Variants in CELF2 observed in about 807,000 individuals in gnomAD.
CELF2 encodes the protein CUG triplet repeat RNA-binding protein 2.
Under a neutral mutation model 62.6 loss-of-function variants are expected in CELF2, and 8 were observed. The observed-to-expected ratio is 0.13, with a 90% CI of 0.07 to 0.23. The LOEUF (loss-of-function observed/expected upper bound fraction) is 0.23. Among genes scored for constraint, CELF2 ranks in the 10% least tolerant of loss-of-function variants. The pLI, the probability that CELF2 is intolerant of heterozygous loss-of-function variation, is 1.00. For synonymous variants in CELF2, 258 were observed against 250.0 expected, an observed-to-expected ratio of 1.03 and a Z score of -0.30; for missense variants, 333 against 671.0, an observed-to-expected ratio of 0.50 and a Z score of 5.56.
intron 1 of CELF2, among the ~76,000 whole-genome samples, chr10:11,053,246 T>G (rs1025457380): frequency 6.6e-6 from 1 of 152,230 alleles, no homozygotes; most frequent in Non-Finnish European, 1.5e-5. Flanking sequence ...ATAACAGCAT[T>G]CTTTTGTTCC....
chr10:10,680,394 C>T, the CELF2 span, among the ~76,000 whole-genome samples: 1 of 152,078 alleles, frequency 6.6e-6, no homozygotes, highest in African/African-American at 2.4e-5. Context: ...TAAAATCAGC[C>T]AAGGGGAGGG....
At chr10:10,502,367 T>C in the CELF2 span, among the ~76,000 whole-genome samples, 1 of 151,986 alleles carries the variant, frequency 6.6e-6, no homozygotes, top group Non-Finnish European at 1.5e-5. Context: ...GTCTTGGTAT[T>C]AGGGTCCCAA....
the CELF2 span, among the ~76,000 whole-genome samples, chr10:10,663,186 C>T: frequency 6.6e-6 from 1 of 152,194 alleles, no homozygotes; most frequent in African/African-American, 2.4e-5. Context: ...GCTGTGTACA[C>T]TCAAAATATT....
At chr10:10,641,452 T>G in the CELF2 span, among the ~76,000 whole-genome samples, 1 of 152,262 alleles carries the variant, frequency 6.6e-6, no homozygotes, top group Admixed American at 6.5e-5. Context: ...TTTCTTTTGT[T>G]TTTTTGAGAC....
intron 8 of CELF2, among the ~76,000 whole-genome samples, chr10:11,275,998 G>A (rs557838283): frequency 3.3e-5 from 5 of 152,310 alleles, no homozygotes; most frequent in South Asian, 4.1e-4. Context: ...AACCAAGCAC[G>A]GTTTGTGTTA....
chr10:10,616,295 GGTGTGTGTGTGTGTGTGTGT>G, the CELF2 span, among the ~76,000 whole-genome samples: 1 of 143,866 alleles, frequency 7.0e-6, no homozygotes, highest in African/African-American at 2.6e-5. Flanking sequence ...TTTTGTTTGG[GGTGTGTGTGTGTGTGTGTGT>G]GTGTGTGTGT....
At chr10:10,738,564 T>G in the CELF2 span, among the ~76,000 whole-genome samples, 1 of 152,226 alleles carries the variant, frequency 6.6e-6, no homozygotes, top group African/African-American at 2.4e-5. Context: ...CAGTCTTTTC[T>G]TTCCAGCTTT....
At chr10:10,694,643 G>A in the CELF2 span, among the ~76,000 whole-genome samples, 1 of 151,672 alleles carries the variant, frequency 6.6e-6, no homozygotes. Flanking sequence ...ATGTGTGGGA[G>A]TCTAAGTCTC....
chr10:10,941,531 G>A (rs920477987), intron 2 of CELF2, among the ~76,000 whole-genome samples: 1 of 152,144 alleles, frequency 6.6e-6, no homozygotes, highest in South Asian at 2.1e-4. Flanking sequence ...TAATGCTAAC[G>A]CTGCACTTGG....
chr10:11,191,205 C>A lies in CELF2; in HGVS notation c.271+25523C>A, dbSNP rs894049247. Among the ~76,000 whole-genome samples the A allele has an allele frequency of 6.6e-6, 1 of 152,168 alleles. No homozygotes were observed. The highest frequency in any genetic ancestry group is 2.4e-5 in the African/African-American group (1 of 41,422). ...AATGGACACTCATGTTCATCTAGTT[C>A]TGTCCCTTTTCAGCTTTACAGAGAG... On this transcript the variant is annotated intron_variant, in intron 2 of 12. Coordinates refer to ENST00000633077, the MANE Select transcript of CELF2 (RefSeq NM_001326342.2). The surrounding 1 kb of genome is among the most constrained non-coding windows in gnomAD (Gnocchi z 4.1).
rs539441460 is a variant in CELF2, at chr10:11,172,236, C to A, written c.271+6554C>A. ...GAATTAATGTTATGTTAACAGAAGG[C>A]TCTGTGTTACTTACTGTGACATCCT... is the stretch of plus-strand genomic sequence containing the variant. On this transcript the variant is annotated intron_variant, in intron 2 of 12. Coordinates refer to ENST00000633077, the MANE Select transcript of CELF2 (RefSeq NM_001326342.2). 9.5e-4 allele frequency among the ~76,000 whole-genome samples: 144 copies of A among 152,256 alleles called. 1 individual carries two copies. Among genetic ancestry groups the A allele is most frequent in the African/African-American group, 3.3e-3 (138 of 41,540 alleles).
the CELF2 span, among the ~76,000 whole-genome samples, chr10:10,543,376 C>T: frequency 6.6e-6 from 1 of 152,176 alleles, no homozygotes; most frequent in Non-Finnish European, 1.5e-5. Flanking sequence ...CCTGGTCAAC[C>T]TGCTTGATCC....
At chr10:10,749,285 C>T in the CELF2 span, among the ~76,000 whole-genome samples, 16 of 152,120 alleles carry the variant, frequency 1.1e-4, no homozygotes, top group South Asian at 6.2e-4. Context: ...CTTCTGTGAG[C>T]GTGGGCTTCA....
intron 1 of CELF2, among the ~76,000 whole-genome samples, chr10:10,885,888 C>T (rs2061718437): frequency 6.6e-6 from 1 of 152,172 alleles, no homozygotes; most frequent in East Asian, 1.9e-4. Context: ...CCCTCATTCT[C>T]CTGCACTTTA....
chr10:10,577,937 C>T, the CELF2 span, among the ~76,000 whole-genome samples: 6 of 152,220 alleles, frequency 3.9e-5, no homozygotes, highest in East Asian at 3.9e-4. Flanking sequence ...ATCGCCACAC[C>T]GACTTCCGCA....
At chr10:11,245,013 C>G (rs1225290830) in intron 3 of CELF2, among the ~76,000 whole-genome samples, 1 of 152,158 alleles carries the variant, frequency 6.6e-6, no homozygotes. Context: ...ACTGCAAGCT[C>G]CATCACAATG....
chr10:10,734,160 G>A, the CELF2 span, among the ~76,000 whole-genome samples: 1 of 151,890 alleles, frequency 6.6e-6, no homozygotes, highest in East Asian at 1.9e-4. Flanking sequence ...TTTTTATGTG[G>A]AAAATGGAAA....
At chr10:11,147,357 C>G (rs1453669916) in intron 1 of CELF2, among the ~76,000 whole-genome samples, 3 of 152,072 alleles carry the variant, frequency 2.0e-5, no homozygotes, top group African/African-American at 7.2e-5. Flanking sequence ...AGTGTCTGGA[C>G]AAGTCAAATG....
intron 1 of CELF2, among the ~76,000 whole-genome samples, chr10:11,054,489 T>TTGTGTGTGTGTGTGTGTG (rs35465939): frequency 3.3e-5 from 5 of 149,580 alleles, no homozygotes; most frequent in South Asian, 4.3e-4. Flanking sequence ...GTATGTGTGT[T>TTGTGTGTGTGTGTGTGTG]TGTGTGTGTG....
Sources: gnomAD v4.1 joint callset for allele counts (sites outside exome capture counted in the v4.1 genomes callset) on GRCh38, gnomAD v4.1.1 for gene constraint, Gnocchi (gnomAD v3.1) non-coding constraint, MANE v1.5 for transcripts, NCBI Gene and HGNC (gene_info 2026-07-23, HGNC 2026-07-21) for gene names.